Variants in XKR4 observed in about 807,000 individuals in gnomAD.
The protein encoded by XKR4 is XK-related protein 4.
A neutral mutation model predicts 53.9 loss-of-function variants in XKR4; 12 were observed. That is an observed-to-expected ratio of 0.22 (90% CI 0.14 to 0.36). The LOEUF (loss-of-function observed/expected upper bound fraction) is 0.36, where lower values mean the gene tolerates loss of function less well. Among genes scored for constraint, XKR4 ranks in the 10% least tolerant of loss-of-function variants. XKR4 has a pLI of 1.00. For missense variants in XKR4, 799 were observed against 859.5 expected (o/e 0.93, Z 0.88); for synonymous variants, 354 against 362.4 (o/e 0.98, Z 0.26).
chr8:55,228,234 A>G (rs865903953), intron 1 of XKR4, among the ~76,000 whole-genome samples: 6 of 152,294 alleles, frequency 3.9e-5, no homozygotes, highest in Non-Finnish European at 7.4e-5. Context: ...TTTTTAGCAG[A>G]GCTGCCACGT....
intron 2 of XKR4, among the ~76,000 whole-genome samples, chr8:55,449,341 C>T (rs1429337051): frequency 2.6e-5 from 4 of 152,088 alleles, no homozygotes; most frequent in Non-Finnish European, 5.9e-5. Flanking sequence ...TAGGGCTGGC[C>T]GGGCGGTGCG....
At chr8:55,246,411 A>G (rs1818286183) in intron 1 of XKR4, among the ~76,000 whole-genome samples, 1 of 152,194 alleles carries the variant, frequency 6.6e-6, no homozygotes, top group South Asian at 2.1e-4. Context: ...CAGCCAGAAC[A>G]TAATTTGGGG....
rs1215633228 is a variant in XKR4 at position 55,466,000 on chromosome 8, A to G, written c.1007-57281A>G. Among the ~76,000 whole-genome samples, 897 of 152,206 alleles carry G rather than the reference A, an allele frequency of 5.9e-3. 12 individuals carry two copies. The highest frequency in any genetic ancestry group is 0.02 in the African/African-American group (837 of 41,478). On this transcript the variant is annotated intron_variant, in intron 2 of 2. Transcript: ENST00000327381. Reference sequence around the variant, plus strand: ...AGTCAGGAAACAACAGGTGCTGGAGAGGATGTGGAGAAATAGGAACACTTT... The same window carrying G: ...AGTCAGGAAACAACAGGTGCTGGAGGGGATGTGGAGAAATAGGAACACTTT...
At chr8:55,401,775 G>T (rs76958269) in intron 2 of XKR4, among the ~76,000 whole-genome samples, 1 of 152,152 alleles carries the variant, frequency 6.6e-6, no homozygotes, top group African/African-American at 2.4e-5. Flanking sequence ...TGAAGGACCC[G>T]AAAAGGCCTT....
At chr8:55,363,547 T>A (rs1357343581) in intron 2 of XKR4, among the ~76,000 whole-genome samples, 1 of 152,198 alleles carries the variant, frequency 6.6e-6, no homozygotes, top group Non-Finnish European at 1.5e-5. Context: ...TGTCCTCTCC[T>A]GTTGAGCACT....
intron 1 of XKR4, among the ~76,000 whole-genome samples, chr8:55,175,171 C>T (rs1817213704): frequency 6.6e-6 from 1 of 152,150 alleles, no homozygotes; most frequent in Non-Finnish European, 1.5e-5. Context: ...TGTCAGGAAA[C>T]TCAGGGAATA....
Position 55,179,790 on chromosome 8 carries a change from T to C in XKR4, c.806+76496T>C, listed in dbSNP as rs1817282987. Among the ~76,000 whole-genome samples the C allele has an allele frequency of 2.6e-5, 4 of 152,342 alleles. 1 individual carries two copies. In the South Asian group the frequency reaches 8.3e-4, roughly 32 times the overall value. Reference sequence around the variant, plus strand: ...GCACTGTGACTGGCATAATGGAATATTGTCAGAAGACTATCAGTTTTACCC... The same window carrying C: ...GCACTGTGACTGGCATAATGGAATACTGTCAGAAGACTATCAGTTTTACCC... On this transcript the variant is annotated intron_variant, in intron 1 of 2. Coordinates refer to ENST00000327381, the MANE Select transcript of XKR4 (RefSeq NM_052898.2).
chr8:55,402,986 G>C (rs1196777617), intron 2 of XKR4, among the ~76,000 whole-genome samples: 1 of 152,144 alleles, frequency 6.6e-6, no homozygotes, highest in Admixed American at 6.5e-5. Flanking sequence ...GAAAGGGCCA[G>C]GAGCAGGCTG....
intron 1 of XKR4, among the ~76,000 whole-genome samples, chr8:55,329,388 T>C (rs1207748582): frequency 6.6e-6 from 1 of 152,098 alleles, no homozygotes; most frequent in African/African-American, 2.4e-5. Flanking sequence ...TTTGCACTTT[T>C]TTTTTTTTAG....
chr8:55,186,137 A>G (rs1478190459), intron 1 of XKR4, among the ~76,000 whole-genome samples: 1 of 152,146 alleles, frequency 6.6e-6, no homozygotes, highest in African/African-American at 2.4e-5. Flanking sequence ...CTGCAAACCA[A>G]TTCATCTCCC....
chr8:55,283,505 T>A (rs778015687), intron 1 of XKR4, among the ~76,000 whole-genome samples: 10 of 152,216 alleles, frequency 6.6e-5, no homozygotes, highest in African/African-American at 2.4e-4. Flanking sequence ...ATTTATAAAC[T>A]GTAAAGTAGT....
chr8:55,286,510 G>A (rs1029296445), intron 1 of XKR4, among the ~76,000 whole-genome samples: 3 of 152,150 alleles, frequency 2.0e-5, no homozygotes, highest in African/African-American at 7.2e-5. Context: ...GGATACGGGG[G>A]CATGCATATT....
chr8:55,514,380 C>T (rs1204097362), intron 2 of XKR4, among the ~76,000 whole-genome samples: 3 of 151,964 alleles, frequency 2.0e-5, no homozygotes, highest in Non-Finnish European at 2.9e-5. Context: ...CCTCAGCCTC[C>T]CGAGTAGCTG....
chr8:55,235,645 C>G (rs576698548), intron 1 of XKR4, among the ~76,000 whole-genome samples: 15 of 152,120 alleles, frequency 9.9e-5, no homozygotes, highest in Non-Finnish European at 1.9e-4. Flanking sequence ...CTCCCTACCT[C>G]CCTCTCCTTG....
chr8:55,348,933 G>T (rs1455573206), intron 1 of XKR4, among the ~76,000 whole-genome samples: 2 of 151,972 alleles, frequency 1.3e-5, no homozygotes, highest in Admixed American at 1.3e-4. Flanking sequence ...AGAGAGAGTG[G>T]TTTCCACAGA....
At chr8:55,278,539 T>A (rs1818796158) in intron 1 of XKR4, among the ~76,000 whole-genome samples, 1 of 152,198 alleles carries the variant, frequency 6.6e-6, no homozygotes, top group African/African-American at 2.4e-5. Flanking sequence ...AATTTCAGTT[T>A]ATAAAAACTT....
intron 2 of XKR4, among the ~76,000 whole-genome samples, chr8:55,363,612 A>G (rs550360328): frequency 1.3e-5 from 2 of 152,126 alleles, no homozygotes; most frequent in Non-Finnish European, 2.9e-5. Context: ...AAGCAGGTGG[A>G]GACAGGTCCC....
At chr8:55,293,264 G>A (rs1172102688) in intron 1 of XKR4, among the ~76,000 whole-genome samples, 1 of 152,144 alleles carries the variant, frequency 6.6e-6, no homozygotes, top group Non-Finnish European at 1.5e-5. Flanking sequence ...GAACCCAAGA[G>A]GCAAAGGTTG....
At chr8:55,481,797 G>T (rs1423598808) in intron 2 of XKR4, among the ~76,000 whole-genome samples, 1 of 152,088 alleles carries the variant, frequency 6.6e-6, no homozygotes, top group Non-Finnish European at 1.5e-5. Context: ...ATGAAAAAAT[G>T]CTCATCATCA....
Sources: gnomAD v4.1 joint callset for allele counts (sites outside exome capture counted in the v4.1 genomes callset) on GRCh38, gnomAD v4.1.1 for gene constraint, MANE v1.5 for transcripts, NCBI Gene and HGNC (gene_info 2026-07-23, HGNC 2026-07-21) for gene names.